Variants in LINGO1 observed in about 807,000 individuals in gnomAD.
The protein encoded by LINGO1 is leucine-rich repeat and immunoglobulin-like domain-containing nogo receptor-interacting protein 1.
Under a neutral mutation model 37.3 loss-of-function variants are expected in LINGO1, and 11 were observed. That is an observed-to-expected ratio of 0.29 (90% CI 0.19 to 0.49). The LOEUF (loss-of-function observed/expected upper bound fraction) is 0.49, where lower values mean the gene tolerates loss of function less well. LINGO1 is among the 20% of genes least tolerant of loss of function. The probability of loss-of-function intolerance (pLI) is 0.99; values close to 1 mark genes in which losing one functional copy is unlikely to be tolerated. For synonymous variants in LINGO1, 387 were observed against 403.0 expected, an observed-to-expected ratio of 0.96 and a Z score of 0.48; for missense variants, 585 against 878.2, an observed-to-expected ratio of 0.67 and a Z score of 4.22.
intron 1 of LINGO1, among the ~76,000 whole-genome samples, chr15:77,623,959 C>T (rs545483814): frequency 1.4e-5 from 2 of 143,140 alleles, no homozygotes; most frequent in South Asian, 2.3e-4. Flanking sequence ...TGTAAGCAGT[C>T]TCTGTGTGTG....
At chr15:77,620,612 TGAG>T (rs2073888138) in intron 1 of LINGO1, among the ~76,000 whole-genome samples, 2 of 152,250 alleles carry the variant, frequency 1.3e-5, no homozygotes, top group Admixed American at 6.5e-5. Context: ...TCAGTGTCCC[TGAG>T]GGTGCTGCCA....
intron 1 of LINGO1, among the ~76,000 whole-genome samples, chr15:77,692,274 A>C (rs914803038): frequency 6.6e-6 from 1 of 152,246 alleles, no homozygotes; most frequent in Non-Finnish European, 1.5e-5. Flanking sequence ...TTGGATGAGG[A>C]AACTGAGGCA....
chr15:77,713,397 A>G (rs2075944643), intron 2 of LINGO1, among the ~76,000 whole-genome samples: 1 of 152,032 alleles, frequency 6.6e-6, no homozygotes, highest in Non-Finnish European at 1.5e-5. Context: ...TTTTAAAAAA[A>G]TCAATCTCAG....
At chr15:77,708,839 A>C (rs1457582152) in intron 2 of LINGO1, among the ~76,000 whole-genome samples, 2 of 152,230 alleles carry the variant, frequency 1.3e-5, no homozygotes, top group Admixed American at 6.5e-5. Context: ...GCTTGAACCC[A>C]GGAGGCGGAG....
At chr15:77,685,380 T>C (rs2141237642) in intron 2 of LINGO1, among the ~76,000 whole-genome samples, 1 of 152,228 alleles carries the variant, frequency 6.6e-6, no homozygotes, top group South Asian at 2.1e-4. Context: ...CCTCACAGAC[T>C]GCTGAGGGGA....
chr15:77,636,700 C>G (rs2074403679), upstream of LINGO1, among the ~76,000 whole-genome samples: 1 of 152,102 alleles, frequency 6.6e-6, no homozygotes. Flanking sequence ...GGGGGGGTCT[C>G]TAAGCTCAGG....
intron 2 of LINGO1, among the ~76,000 whole-genome samples, chr15:77,714,946 G>GC (rs777130709): frequency 9.9e-5 from 15 of 152,236 alleles, no homozygotes; most frequent in Non-Finnish European, 1.9e-4. Flanking sequence ...GCCATAACGT[G>GC]CTAAAATTAT....
chr15:77,692,952 G>A (rs542682170), intron 1 of LINGO1, among the ~76,000 whole-genome samples: 1 of 152,374 alleles, frequency 6.6e-6, no homozygotes, highest in East Asian at 1.9e-4. Flanking sequence ...GCCTGTGTGT[G>A]TGCTTATGAG....
At chr15:77,806,911 G>A (rs1365179642) in intron 1 of LINGO1, among the ~76,000 whole-genome samples, 2 of 152,116 alleles carry the variant, frequency 1.3e-5, no homozygotes, top group African/African-American at 4.8e-5. Flanking sequence ...TTCCCTGCAT[G>A]AGTGTCCTGC....
chr15:77,671,149 C>T (rs778803765), intron 3 of LINGO1, among the ~76,000 whole-genome samples: 3 of 118,288 alleles, frequency 2.5e-5, no homozygotes, highest in South Asian at 2.5e-4. Context: ...AAGGGAACAG[C>T]GGGACTTGTG....
intron 3 of LINGO1, among the ~76,000 whole-genome samples, chr15:77,665,236 C>T (rs1474220115): frequency 6.6e-6 from 1 of 152,216 alleles, no homozygotes; most frequent in African/African-American, 2.4e-5. Context: ...GCCCCTTGCC[C>T]AACCCTCAGC....
At chr15:77,783,887 T>C (rs554731221) in intron 1 of LINGO1, among the ~76,000 whole-genome samples, 2 of 152,274 alleles carry the variant, frequency 1.3e-5, no homozygotes, top group South Asian at 2.1e-4. Flanking sequence ...ACAGGAAGCC[T>C]TTCTCCGTTT....
intron 3 of LINGO1, chr15:77,649,183 G>A (rs1358664013): frequency 2.0e-5 from 3 of 152,236 alleles, no homozygotes; most frequent in Non-Finnish European, 4.4e-5. Flanking sequence ...GCTGGCCAAT[G>A]TAAATGTGTT....
chr15:77,746,774 G>A (rs2076318750), intron 1 of LINGO1, among the ~76,000 whole-genome samples: 1 of 152,152 alleles, frequency 6.6e-6, no homozygotes, highest in South Asian at 2.1e-4. Context: ...GAACTGGGGG[G>A]TGTATCCATC....
chr15:77,632,409 T>G lies in LINGO1; in HGVS notation c.-94A>C, dbSNP rs1263141905. 2 of 1,230,124 alleles carry G rather than the reference T, an allele frequency of 1.6e-6. No individual in the cohort carries two copies. The highest frequency in any genetic ancestry group is 6.5e-5 in the East Asian group (2 of 30,760). The allele number at this position is 1,230,124 out of a possible 1,614,324, so 76.2% of individuals were successfully genotyped here. Reference sequence around the variant, plus strand: ...CCCCAGCCCCTGCCCAGCCCCCTCCTCCGTTTCCTCCTCCTCCGACACCTC... The same window carrying G: ...CCCCAGCCCCTGCCCAGCCCCCTCCGCCGTTTCCTCCTCCTCCGACACCTC... On this transcript the variant is annotated 5_prime_UTR_variant, in exon 1 of 2. Coordinates refer to ENST00000355300, the MANE Select transcript of LINGO1 (RefSeq NM_032808.7). The surrounding 1 kb of genome is among the most constrained non-coding windows in gnomAD (Gnocchi z 6.0).
intron 1 of LINGO1, among the ~76,000 whole-genome samples, chr15:77,783,415 C>G (rs1427631955): frequency 6.6e-6 from 1 of 152,210 alleles, no homozygotes; most frequent in African/African-American, 2.4e-5. Flanking sequence ...AGGGTCCCTG[C>G]TCCCAAAGTC....
intron 1 of LINGO1, among the ~76,000 whole-genome samples, chr15:77,760,916 CTTTTTTTTT>C (rs34524098): frequency 2.2e-4 from 21 of 96,424 alleles, no homozygotes; most frequent in South Asian, 3.5e-4. Context: ...TAATAAGTAT[CTTTTTTTTT>C]TTTTTTTTTT....
At chr15:77,779,021 C>A (rs976412888) in intron 1 of LINGO1, among the ~76,000 whole-genome samples, 5 of 152,160 alleles carry the variant, frequency 3.3e-5, no homozygotes, top group Non-Finnish European at 1.5e-5. Flanking sequence ...GGCTGCTCCT[C>A]ACACAGGCCA....
chr15:77,653,880 A>G (rs914101628), intron 3 of LINGO1, among the ~76,000 whole-genome samples: 4 of 152,182 alleles, frequency 2.6e-5, no homozygotes, highest in African/African-American at 9.7e-5. Context: ...CATTCCCTTC[A>G]GTTCACTGAA....
Sources: gnomAD v4.1 joint callset for allele counts (sites outside exome capture counted in the v4.1 genomes callset) on GRCh38, gnomAD v4.1.1 for gene constraint, Gnocchi (gnomAD v3.1) non-coding constraint, MANE v1.5 for transcripts, NCBI Gene and HGNC (gene_info 2026-07-23, HGNC 2026-07-21) for gene names.